The following CCDC149 variants were observed in gnomAD, a reference collection of about 807,000 sequenced individuals.
CCDC149 encodes the protein coiled-coil domain-containing protein 149.
A neutral mutation model predicts 59.9 loss-of-function variants in CCDC149; 45 were observed. That is an observed-to-expected ratio of 0.75 (90% CI 0.59 to 0.96). The LOEUF (loss-of-function observed/expected upper bound fraction) is 0.96. Among genes scored for constraint, CCDC149 ranks in the 40% least tolerant of loss-of-function variants. CCDC149 has a pLI of 0.00. For synonymous variants in CCDC149, 245 were observed against 260.6 expected, an observed-to-expected ratio of 0.94 and a Z score of 0.58; for missense variants, 584 against 664.7, an observed-to-expected ratio of 0.88 and a Z score of 1.33.
intron 3 of CCDC149, among the ~76,000 whole-genome samples, chr4:24,861,643 A>AC (rs1438763010): frequency 2.0e-5 from 3 of 151,680 alleles, no homozygotes; most frequent in Admixed American, 2.0e-4. Context: ...AATTAAAAAA[A>AC]AAATGTAACC....
chr4:24,959,485 G>A (rs932815334), intron 1 of CCDC149, among the ~76,000 whole-genome samples: 3 of 145,596 alleles, frequency 2.1e-5, no homozygotes. Flanking sequence ...AGAGGAGGAA[G>A]CAGCACAGAA....
intron 11 of CCDC149, among the ~76,000 whole-genome samples, chr4:24,820,746 C>T (rs1386582756): frequency 6.6e-6 from 1 of 152,020 alleles, no homozygotes; most frequent in Admixed American, 6.6e-5. Context: ...GTGCTATTGC[C>T]ATGACATAAA....
At chr4:24,955,809 G>A (rs1723448247) in intron 1 of CCDC149, among the ~76,000 whole-genome samples, 1 of 152,094 alleles carries the variant, frequency 6.6e-6, no homozygotes, top group Non-Finnish European at 1.5e-5. Flanking sequence ...GGTGGCAATG[G>A]TATTAAAAAA....
At chr4:24,872,100 T>C in intron 3 of CCDC149, among the ~76,000 whole-genome samples, 1 of 152,178 alleles carries the variant, frequency 6.6e-6, no homozygotes. Flanking sequence ...AGAAGTATTA[T>C]AAAGCAAAAC....
intron 1 of CCDC149, among the ~76,000 whole-genome samples, chr4:24,966,728 G>A (rs977336862): frequency 3.9e-5 from 6 of 152,236 alleles, no homozygotes; most frequent in Admixed American, 2.0e-4. Flanking sequence ...ATGCCCAAGG[G>A]GGAGAAGGAC....
intron 3 of CCDC149, among the ~76,000 whole-genome samples, chr4:24,871,376 C>T (rs574117267): frequency 7.2e-5 from 11 of 152,272 alleles, no homozygotes; most frequent in East Asian, 1.9e-4. Flanking sequence ...GGGTTAGCCA[C>T]GACAGCTGGG....
intron 1 of CCDC149, among the ~76,000 whole-genome samples, chr4:24,944,409 G>T (rs1716935082): frequency 6.6e-6 from 1 of 151,990 alleles, no homozygotes; most frequent in Admixed American, 6.6e-5. Context: ...TGGGGTGGGG[G>T]GATGGGGGAG....
At chr4:24,974,315 T>C (rs1343820169) in intron 1 of CCDC149, among the ~76,000 whole-genome samples, 6 of 152,216 alleles carry the variant, frequency 3.9e-5, no homozygotes, top group African/African-American at 1.4e-4. Context: ...GTCAGAACCC[T>C]AGAGGGGTGA....
intron 3 of CCDC149, among the ~76,000 whole-genome samples, chr4:24,856,542 T>C (rs562450849): frequency 6.6e-6 from 1 of 152,310 alleles, no homozygotes; most frequent in East Asian, 1.9e-4. Context: ...TGTAGATATC[T>C]TGGAGAAAAA....
At chr4:24,944,795 G>C (rs1294349216) in intron 1 of CCDC149, among the ~76,000 whole-genome samples, 1 of 152,118 alleles carries the variant, frequency 6.6e-6, no homozygotes, top group South Asian at 2.1e-4. Context: ...TTTATGCAAT[G>C]ACTTGTTTTC....
chr4:24,835,126 C>T, intron 7 of CCDC149, 94 bp from the exon 8 acceptor site: 1 of 777,720 alleles, frequency 1.3e-6, no homozygotes, highest in Non-Finnish European at 2.2e-6. Flanking sequence ...CCCACAAGAA[C>T]CCCTTGCAAA....
intron 1 of CCDC149, among the ~76,000 whole-genome samples, chr4:24,978,483 G>A (rs1724316230): frequency 6.6e-6 from 1 of 152,114 alleles, no homozygotes; most frequent in African/African-American, 2.4e-5. Flanking sequence ...ATTTCTGTTG[G>A]CAGCACTTGT....
intron 1 of CCDC149, among the ~76,000 whole-genome samples, chr4:24,941,528 G>A (rs1283010593): frequency 6.6e-6 from 1 of 152,002 alleles, no homozygotes; most frequent in Non-Finnish European, 1.5e-5. Flanking sequence ...CTAGCAGAAG[G>A]CAAGAAATAA....
chr4:24,960,169 G>GTGATATAA (rs1723598002), intron 1 of CCDC149, among the ~76,000 whole-genome samples: 2 of 152,112 alleles, frequency 1.3e-5, no homozygotes, highest in Non-Finnish European at 2.9e-5. Flanking sequence ...TATACGTAAG[G>GTGATATAA]TGATATAATG....
Position 24,929,558 on chromosome 4 carries a change from G to C in CCDC149, c.-64-34440C>G, listed in dbSNP as rs142326743. Reference sequence around the variant, plus strand: ...AATGCACATCATGTGTGATTATGGAGAGTTTGAAAGATCAGACCTCAACAC... The same window carrying C: ...AATGCACATCATGTGTGATTATGGACAGTTTGAAAGATCAGACCTCAACAC... On this transcript the variant is annotated intron_variant, in intron 1 of 12. Coordinates refer to the CCDC149 transcript ENST00000389609. 3.9e-3 allele frequency among the ~76,000 whole-genome samples: 595 copies of C among 152,324 alleles called. 4 individuals carry two copies. Among genetic ancestry groups the C allele is most frequent in the African/African-American group, 0.014 (579 of 41,560 alleles).
intron 12 of CCDC149, among the ~76,000 whole-genome samples, chr4:24,814,463 C>T (rs1450244719): frequency 6.6e-6 from 1 of 152,184 alleles, no homozygotes; most frequent in African/African-American, 2.4e-5. Context: ...CTACACTAAT[C>T]CAACCTGCTG....
upstream of CCDC149, among the ~76,000 whole-genome samples, chr4:24,916,704 T>A (rs1479033324): frequency 6.6e-6 from 1 of 152,066 alleles, no homozygotes; most frequent in Non-Finnish European, 1.5e-5. Context: ...TGGCCATTTT[T>A]TTTCCCCAGT....
At chr4:24,868,707 T>C (rs1280971160) in intron 3 of CCDC149, among the ~76,000 whole-genome samples, 2 of 152,132 alleles carry the variant, frequency 1.3e-5, no homozygotes, top group African/African-American at 2.4e-5. Context: ...TTTGCTACAA[T>C]GCAAGTTCCA....
chr4:24,972,611 T>C (rs1724009358), intron 1 of CCDC149, among the ~76,000 whole-genome samples: 1 of 152,118 alleles, frequency 6.6e-6, no homozygotes, highest in Non-Finnish European at 1.5e-5. Context: ...CCAGCCTTTT[T>C]TCCTCTCTTG....
Sources: gnomAD v4.1 joint callset for allele counts (sites outside exome capture counted in the v4.1 genomes callset) on GRCh38, gnomAD v4.1.1 for gene constraint, MANE v1.5 for transcripts, NCBI Gene and HGNC (gene_info 2026-07-23, HGNC 2026-07-21) for gene names.